Variants in ADAM22 observed in about 807,000 individuals in gnomAD.
The protein encoded by ADAM22 is disintegrin and metalloproteinase domain-containing protein 22.
A neutral mutation model predicts 144.6 loss-of-function variants in ADAM22; 65 were observed. That is an observed-to-expected ratio of 0.45 (90% confidence interval 0.37 to 0.55). The LOEUF is 0.55. Ranked by LOEUF, ADAM22 falls within the 20% of genes least tolerant of loss-of-function variation. The pLI, the probability that ADAM22 is intolerant of heterozygous loss-of-function variation, is 0.00. For synonymous variants in ADAM22, 391 were observed against 412.6 expected (o/e 0.95, Z 0.63); for missense variants, 974 against 1,184.9 (o/e 0.82, Z 2.61).
At chr7:88,109,260 C>A (rs1177039033) in intron 5 of ADAM22, among the ~76,000 whole-genome samples, 1 of 152,088 alleles carries the variant, frequency 6.6e-6, no homozygotes, top group African/African-American at 2.4e-5. Flanking sequence ...CAAGGCCTTG[C>A]TTCCTTTCTC....
At chr7:88,071,295 T>G (rs36094117) in intron 3 of ADAM22, among the ~76,000 whole-genome samples, 11,451 of 151,918 alleles carry the variant, frequency 0.075, 704 homozygotes, top group Non-Finnish European at 0.11. Context: ...TGAATAGATA[T>G]GAGATGGTGA....
At chr7:87,934,657 G>C in intron 1 of ADAM22, 107 bp downstream of exon 1, 1 of 1,019,436 alleles carries the variant, frequency 9.8e-7, no homozygotes, top group Non-Finnish European at 1.4e-6. Context: ...AGTGCGCGGG[G>C]AGATTTTTTT....
At chr7:87,996,482 C>T (rs1290174576) in intron 3 of ADAM22, among the ~76,000 whole-genome samples, 1 of 152,146 alleles carries the variant, frequency 6.6e-6, no homozygotes, top group Non-Finnish European at 1.5e-5. Flanking sequence ...AATCTACTCT[C>T]ATGACCTAAT....
At chr7:87,957,494 T>A (rs1399317115) in intron 2 of ADAM22, among the ~76,000 whole-genome samples, 2 of 152,196 alleles carry the variant, frequency 1.3e-5, no homozygotes, top group Non-Finnish European at 2.9e-5. Flanking sequence ...GATGATGCTC[T>A]CTTGCCCTTC....
At chr7:88,187,128 G>A (rs1024639722) in intron 30 of ADAM22, among the ~76,000 whole-genome samples, 2 of 152,228 alleles carry the variant, frequency 1.3e-5, no homozygotes, top group South Asian at 2.1e-4. Context: ...AAAAACTCAC[G>A]GAAAAACGTA....
intron 4 of ADAM22, 145 bp downstream of exon 4, chr7:88,075,837 T>G: frequency 1.4e-6 from 1 of 694,194 alleles, no homozygotes; most frequent in Non-Finnish European, 2.4e-6. Flanking sequence ...TATCACCCAC[T>G]TTGGAAAAAT....
At chr7:88,118,242 A>G (rs1046464817) in intron 7 of ADAM22, among the ~76,000 whole-genome samples, 1 of 152,208 alleles carries the variant, frequency 6.6e-6, no homozygotes, top group African/African-American at 2.4e-5. Flanking sequence ...TCATCAGAAA[A>G]TAAATGTTTC....
intron 30 of ADAM22, among the ~76,000 whole-genome samples, chr7:88,192,395 T>C (rs1215240588): frequency 6.6e-6 from 1 of 152,228 alleles, no homozygotes; most frequent in African/African-American, 2.4e-5. Flanking sequence ...TATGTTCAGC[T>C]TAGTCACAAA....
intron 4 of ADAM22, among the ~76,000 whole-genome samples, chr7:88,076,257 C>T (rs1261321244): frequency 6.6e-6 from 1 of 152,052 alleles, no homozygotes; most frequent in African/African-American, 2.4e-5. Context: ...AGGCTGGTCT[C>T]GAACTTCAGA....
At chr7:88,156,038 G>A in intron 22 of ADAM22, 32 bp downstream of exon 22, 1 of 1,608,518 alleles carries the variant, frequency 6.2e-7, no homozygotes, top group Non-Finnish European at 8.5e-7. Context: ...AAGAATCTGA[G>A]TCATCTTATT....
chr7:88,077,711 C>G (rs1218631777), intron 4 of ADAM22, among the ~76,000 whole-genome samples: 1 of 152,208 alleles, frequency 6.6e-6, no homozygotes, highest in Admixed American at 6.5e-5. Context: ...ACACCTGGCT[C>G]AGAGGGTCCT....
chr7:88,045,041 A>G (rs1804226287), intron 3 of ADAM22, among the ~76,000 whole-genome samples: 1 of 149,736 alleles, frequency 6.7e-6, no homozygotes, highest in African/African-American at 2.5e-5. Context: ...TCTTGAGACA[A>G]ACTCTCGCTC....
At chr7:88,126,625 T>C (rs915632765) in intron 8 of ADAM22, among the ~76,000 whole-genome samples, 1 of 152,014 alleles carries the variant, frequency 6.6e-6, no homozygotes, top group Non-Finnish European at 1.5e-5. Flanking sequence ...TCCAAAATGC[T>C]TGGGACCGGA....
At position 87,999,345 on chromosome 7, in the gene ADAM22, G is replaced by A. The variant is rs958155124; in HGVS notation, c.323+20933G>A. Among the ~76,000 whole-genome samples the A allele has an allele frequency of 7.9e-5, 12 of 152,182 alleles. 1 individual carries two copies. The highest frequency in any genetic ancestry group is 1.5e-5 in the Non-Finnish European group (1 of 68,036). On this transcript the variant is annotated intron_variant, in intron 3 of 31. Transcript: ENST00000413139. ...ACAACATAGCTGTGTGTGGGTGTAT[G>A]TGTCATTTAATCCTTATGATCTATG...
chr7:87,958,543 G>A (rs970004294), intron 2 of ADAM22, among the ~76,000 whole-genome samples: 2 of 151,786 alleles, frequency 1.3e-5, no homozygotes, highest in Admixed American at 6.6e-5. Context: ...GCACCATCAT[G>A]CCCAGCTAAT....
chr7:88,139,418 CTAAA>C (rs35764191), intron 14 of ADAM22, among the ~76,000 whole-genome samples: 16,505 of 146,152 alleles, frequency 0.11, 1,153 homozygotes, highest in East Asian at 0.25. Context: ...GACTCCATCT[CTAAA>C]TAAATAAATA....
At chr7:88,158,805 T>TAGAA (rs1260775211) in intron 22 of ADAM22, among the ~76,000 whole-genome samples, 1 of 151,834 alleles carries the variant, frequency 6.6e-6, no homozygotes, top group Admixed American at 6.6e-5. Flanking sequence ...ATCAAAAAGT[T>TAGAA]AGAAAGCTCT....
chr7:88,119,579 C>T (rs770404638), intron 7 of ADAM22, among the ~76,000 whole-genome samples: 3 of 152,104 alleles, frequency 2.0e-5, no homozygotes, highest in African/African-American at 7.2e-5. Flanking sequence ...GCCTCTGCCC[C>T]CTGGGTTCAA....
intron 3 of ADAM22, among the ~76,000 whole-genome samples, chr7:88,028,838 G>C (rs1399763439): frequency 6.6e-6 from 1 of 151,944 alleles, no homozygotes; most frequent in Non-Finnish European, 1.5e-5. Flanking sequence ...CTCACTTGTA[G>C]TTTGTATTTG....
Sources: allele counts gnomAD v4.1 joint callset (sites outside exome capture counted in the v4.1 genomes callset), GRCh38; gene constraint gnomAD v4.1.1; transcripts MANE v1.5; gene names NCBI Gene and HGNC (gene_info 2026-07-23, HGNC 2026-07-21).